Variants in LRGUK observed in about 807,000 individuals in gnomAD.
The protein encoded by LRGUK is leucine rich repeats and guanylate kinase domain containing, also known as leucine-rich repeat and guanylate kinase domain-containing protein.
LRGUK carries 65 observed loss-of-function variants against 76.0 expected under a neutral mutation model. That is an observed-to-expected ratio of 0.85 (90% CI 0.70 to 1.05). The LOEUF (loss-of-function observed/expected upper bound fraction) is 1.05, where lower values mean the gene tolerates loss of function less well. Among genes scored for constraint, LRGUK ranks in the 50% least tolerant of loss-of-function variants. The pLI is 0.00. For missense variants in LRGUK, 758 were observed against 732.8 expected (o/e 1.03, Z -0.40); for synonymous variants, 268 against 265.6 (o/e 1.01, Z -0.09).
Position 134,183,842 on chromosome 7 carries a change from C to A in LRGUK, c.1323C>A (p.Tyr441Ter). The change falls in exon 11 of 16, where the codon TAC becomes TAA. Residue 441 changes from tyrosine (Y) to a stop codon, truncating the protein, a stop_gained. Transcript: ENST00000645682. LOFTEE classifies it high-confidence loss of function. ...GCCTCTGCAGACAGTTTAGCACTTA[C>A]TTCAGATATGGGTAAGTTTGTTTAT... The A allele has an allele frequency of 6.2e-7, 1 of 1,613,908 alleles. No individual in the cohort carries two copies. The highest frequency in any genetic ancestry group is 8.5e-7 in the Non-Finnish European group (1 of 1,179,874).
intron 15 of LRGUK, among the ~76,000 whole-genome samples, chr7:134,221,167 CA>C (rs1801585139): frequency 6.6e-6 from 1 of 152,104 alleles, no homozygotes; most frequent in African/African-American, 2.4e-5. Context: ...ATGTGGATAT[CA>C]TTTATTTTAG....
At position 134,217,195 on chromosome 7, in the gene LRGUK, T is replaced by G. The variant is rs868193892; in HGVS notation, c.1844-4584T>G. 9.2e-5 allele frequency among the ~76,000 whole-genome samples: 14 copies of G among 151,692 alleles called. No individual in the cohort carries two copies. The South Asian group carries it at 1.0e-3, about 11-fold the overall frequency. Reference sequence around the variant, plus strand: ...CGGAATTCTGGGCCTTATTGCTCTATGTTTTAATTGGAACATTCTTGATGC... The same window carrying G: ...CGGAATTCTGGGCCTTATTGCTCTAGGTTTTAATTGGAACATTCTTGATGC... On this transcript the variant is annotated intron_variant, in intron 15 of 19. Coordinates refer to the LRGUK transcript ENST00000285928.
intron 16 of LRGUK, among the ~76,000 whole-genome samples, chr7:134,235,768 C>G (rs1197269503): frequency 6.6e-6 from 1 of 152,148 alleles, no homozygotes; most frequent in Non-Finnish European, 1.5e-5. Flanking sequence ...GTTTAGAGCA[C>G]TGTCATGTGG....
At chr7:134,259,893 G>A (rs1231774232) in intron 19 of LRGUK, among the ~76,000 whole-genome samples, 2 of 152,126 alleles carry the variant, frequency 1.3e-5, no homozygotes, top group East Asian at 3.9e-4. Context: ...GCTTCTCATA[G>A]GACAGTGTTC....
chr7:134,177,587 T>C (rs1799534091), intron 9 of LRGUK, among the ~76,000 whole-genome samples: 1 of 152,204 alleles, frequency 6.6e-6, no homozygotes, highest in Admixed American at 6.5e-5. Flanking sequence ...TGCTAGCACC[T>C]GCCTCCCTGC....
At chr7:134,169,052 G>C (rs1236853818) in intron 7 of LRGUK, among the ~76,000 whole-genome samples, 1 of 151,828 alleles carries the variant, frequency 6.6e-6, no homozygotes, top group Non-Finnish European at 1.5e-5. Context: ...ATGTAATCAA[G>C]TTCAGGATCT....
chr7:134,177,033 A>C (rs758582547), exon 9 of LRGUK: 4 of 1,600,656 alleles, frequency 2.5e-6, no homozygotes, highest in Non-Finnish European at 1.7e-6. Context: ...TAACAGAATT[A>C]GATCAGAAGA....
chr7:134,193,059 C>T (rs932362145), intron 12 of LRGUK, among the ~76,000 whole-genome samples: 4 of 152,124 alleles, frequency 2.6e-5, no homozygotes, highest in Admixed American at 2.6e-4. Flanking sequence ...TTTGAATGGC[C>T]AACTCTATAC....
intron 4 of LRGUK, among the ~76,000 whole-genome samples, chr7:134,143,408 C>T (rs1258012114): frequency 1.3e-5 from 2 of 152,082 alleles, no homozygotes; most frequent in East Asian, 1.9e-4. Context: ...ACGAACTTTC[C>T]TCTGGTCTCC....
chr7:134,215,946 G>A (rs1801426656), intron 15 of LRGUK, among the ~76,000 whole-genome samples: 1 of 152,180 alleles, frequency 6.6e-6, no homozygotes, highest in South Asian at 2.1e-4. Flanking sequence ...GTGCAGTCAT[G>A]ATTTGCAAAA....
downstream of LRGUK, among the ~76,000 whole-genome samples, chr7:134,268,233 G>A (rs1299888170): frequency 6.6e-6 from 1 of 151,928 alleles, no homozygotes; most frequent in African/African-American, 2.4e-5. Flanking sequence ...AGTAAAAACA[G>A]ATGAAGATGA....
At chr7:134,145,487 T>A (rs1202802950) in intron 4 of LRGUK, among the ~76,000 whole-genome samples, 1 of 152,202 alleles carries the variant, frequency 6.6e-6, no homozygotes, top group African/African-American at 2.4e-5. Context: ...TCTCAGCTGA[T>A]CTGCCCGCCT....
chr7:134,127,415 C>T (rs568627931), exon 1 of LRGUK: 5 of 1,613,722 alleles, frequency 3.1e-6, no homozygotes, highest in South Asian at 1.1e-5. Context: ...CTGCCTCTCT[C>T]CTGAGAGGCT....
At chr7:134,208,971 T>C in exon 16 of LRGUK, 1 of 399,112 alleles carries the variant, frequency 2.5e-6, no homozygotes, top group Non-Finnish European at 4.4e-6. Flanking sequence ...TCATCAGCAC[T>C]GGGTCTTCCT....
chr7:134,210,038 G>C (rs1801184033), exon 16 of LRGUK: 1 of 399,728 alleles, frequency 2.5e-6, no homozygotes, highest in African/African-American at 2.1e-5. Flanking sequence ...AGACATGCGG[G>C]CCTCACCCCA....
intron 16 of LRGUK, among the ~76,000 whole-genome samples, chr7:134,244,356 GA>G (rs376844328): frequency 0.072 from 10,932 of 151,956 alleles, 965 homozygotes; most frequent in African/African-American, 0.2. Flanking sequence ...AAATTTACAA[GA>G]AAAAAATCAA....
exon 20 of LRGUK, chr7:134,264,049 A>G (rs1470333113): frequency 3.4e-6 from 5 of 1,475,372 alleles, no homozygotes; most frequent in African/African-American, 2.8e-5. Context: ...TTACCTGGCC[A>G]TGGGTCCAGC....
chr7:134,260,456 A>G (rs1309409892), intron 19 of LRGUK, among the ~76,000 whole-genome samples: 1 of 152,054 alleles, frequency 6.6e-6, no homozygotes. Context: ...GCATTTGAAA[A>G]AACAGCTACC....
intron 5 of LRGUK, among the ~76,000 whole-genome samples, chr7:134,151,940 T>C (rs774115755): frequency 1.3e-5 from 2 of 152,004 alleles, no homozygotes; most frequent in African/African-American, 2.4e-5. Flanking sequence ...TTTATCCTAA[T>C]TGGGTACATG....
Sources: gnomAD v4.1 joint callset for allele counts (sites outside exome capture counted in the v4.1 genomes callset) on GRCh38, gnomAD v4.1.1 for gene constraint, MANE v1.5 for transcripts, NCBI Gene and HGNC (gene_info 2026-07-23, HGNC 2026-07-21) for gene names.